RPL3L: variants seen among roughly 807,000 people sequenced by gnomAD.
RPL3L encodes ribosomal protein uL3-like.
A neutral mutation model predicts 44.5 loss-of-function variants in RPL3L; 44 were observed. The ratio of observed to expected loss-of-function variants is 0.99; its 90% CI spans 0.78 to 1.27. The LOEUF (loss-of-function observed/expected upper bound fraction) is 1.27. Among genes scored for constraint, RPL3L ranks in the 50% most tolerant of loss-of-function variants. The pLI is 0.00. For missense variants in RPL3L, 631 were observed against 569.1 expected, an observed-to-expected ratio of 1.11 and a Z score of -1.11; for synonymous variants, 292 against 230.7, an observed-to-expected ratio of 1.27 and a Z score of -2.41.
rs769248430 is a variant in RPL3L at position 1,947,010 on chromosome 16, G to C, written c.777C>G (p.Pro259=). ...GAGCAATGGAGCAGCCCACGCGGGC[G>C]GGGTGCCAGGCGCCAATGCAGGCCA... The part of the protein sequence containing the change: ...RKVACIGAWH[P]ARVGCSIARA... The change falls in exon 6 of 10, where the codon CCC becomes CCG. Residue 259 remains proline (P), a synonymous_variant. Transcript: ENST00000268661. 3.1e-6 allele frequency: 5 copies of C among 1,612,104 alleles called. No individual in the cohort carries two copies. The highest frequency in any genetic ancestry group is 4.2e-6 in the Non-Finnish European group (5 of 1,179,682).
chr16:1,952,893 GCCGGCA>G lies in RPL3L; in HGVS notation c.340_345del (p.Cys114_Arg115del). ...GCTCACCAGTCCTTGTAGAATCGGC[GCCGGCA>G]CTCATCACTGAGGTGTTCTGCAAAG... is the stretch of plus-strand genomic sequence containing the variant. On this transcript the variant is annotated inframe_deletion, in exon 3 of 10. Transcript: ENST00000268661. 5.0e-6 allele frequency: 8 copies of G among 1,613,912 alleles called. No homozygotes were observed. The highest frequency in any genetic ancestry group is 6.8e-6 in the Non-Finnish European group (8 of 1,179,992).
chr16:1,949,523 G>A (rs911692923), intron 4 of RPL3L, among the ~76,000 whole-genome samples: 2 of 150,560 alleles, frequency 1.3e-5, no homozygotes, highest in Non-Finnish European at 3.0e-5. Flanking sequence ...AAAGTGCTGG[G>A]GTTACAGGCG....
rs546597796 is a variant in RPL3L, at chr16:1,946,734, A to G, written c.850-8T>C. On this transcript the variant is annotated splice_polypyrimidine_tract_variant and splice_region_variant and intron_variant, in intron 6 of 9. Coordinates refer to ENST00000268661, the MANE Select transcript of RPL3L (RefSeq NM_005061.3). ...CCTGCCGATGCGGAAGATCTGCCAGAAGGGGGCACATGCCAGGGGCAGGAA... is the reference window on the plus strand; with the variant it reads ...CCTGCCGATGCGGAAGATCTGCCAGGAGGGGGCACATGCCAGGGGCAGGAA... The G allele has an allele frequency of 3.0e-5, 49 of 1,612,002 alleles. No individual in the cohort carries two copies. The East Asian group carries it at 9.8e-4, about 32-fold the overall frequency.
chr16:1,953,051 G>A lies in RPL3L; in HGVS notation c.197-9C>T. On this transcript the variant is annotated splice_polypyrimidine_tract_variant and intron_variant, in intron 2 of 9. Transcript: ENST00000268661. ...CTCCCGTTTGGAAATTTCTGGATGA[G>A]ACACAGGGATGGGGCATGAAGGGGG... 1 of 1,585,606 alleles carries A rather than the reference G, an allele frequency of 6.3e-7. No homozygotes were observed. The highest frequency in any genetic ancestry group is 8.6e-7 in the Non-Finnish European group (1 of 1,165,814).
intron 7 of RPL3L, among the ~76,000 whole-genome samples, chr16:1,946,331 G>A (rs548422688): frequency 7.9e-5 from 12 of 152,332 alleles, no homozygotes; most frequent in East Asian, 5.8e-4. Context: ...GAGGAGGCTC[G>A]GAGGATGTGG....
In RPL3L at chr16:1,952,957, G is replaced by A; in HGVS notation, c.282C>T (p.Ala94=). 3 of 1,613,718 alleles carry A rather than the reference G, an allele frequency of 1.9e-6. No homozygotes were observed. In the South Asian group the frequency reaches 3.3e-5, roughly 18 times the overall value. Residue 94 remains alanine, a synonymous_variant, in exon 3 of 10, where the codon GCC becomes GCT. Coordinates refer to ENST00000268661, the MANE Select transcript of RPL3L (RefSeq NM_005061.3). ...LVVVGVVGYV[A]TPRGLRSFKT... ...TGAAGCTCCGGAGACCTCGAGGGGTGGCCACGTAGCCCACCACGCCCACCA... is the reference window on the plus strand; with the variant it reads ...TGAAGCTCCGGAGACCTCGAGGGGTAGCCACGTAGCCCACCACGCCCACCA...
At chr16:1,945,429 C>T in intron 9 of RPL3L, 70 bp downstream of exon 9, 3 of 1,552,246 alleles carry the variant, frequency 1.9e-6, no homozygotes, top group Non-Finnish European at 2.6e-6. Flanking sequence ...AGCTCCAGCT[C>T]CCTACTCGGG....
intron 4 of RPL3L, among the ~76,000 whole-genome samples, chr16:1,948,000 T>G (rs560262828): frequency 1.3e-5 from 2 of 148,996 alleles, no homozygotes; most frequent in Non-Finnish European, 3.0e-5. Flanking sequence ...TGCAATGGCA[T>G]GATCTCGGCT....
Position 1,945,006 on chromosome 16 carries a change from C to T in RPL3L, c.1168-113G>A, listed in dbSNP as rs1430480940. ...CGGCCCTACTGCCCCCCTAAGGCTG[C>T]TTCCTCCCCCACCTTCTCTTCTAAA... is the stretch of plus-strand genomic sequence containing the variant. On this transcript the variant is annotated intron_variant, in intron 9 of 9. Transcript: ENST00000268661. 52 of 1,306,416 alleles carry T rather than the reference C, an allele frequency of 4.0e-5. No homozygotes were observed. In the Admixed American group the frequency reaches 8.8e-4, roughly 22 times the overall value. 80.9% of individuals were successfully genotyped at this position (1,306,416 alleles called of 1,614,324 possible). A position where few individuals can be genotyped will look rare whatever the true frequency, so the allele number is the denominator to read the frequency against.
chr16:1,946,861 C>G (rs2083124939), intron 6 of RPL3L, 77 bp downstream of exon 6: 1 of 1,556,950 alleles, frequency 6.4e-7, no homozygotes, highest in African/African-American at 1.3e-5. Context: ...CTGGGTCATG[C>G]ACCCCACCCA....
chr16:1,951,227 G>T (rs2083170293), intron 3 of RPL3L, among the ~76,000 whole-genome samples: 1 of 152,202 alleles, frequency 6.6e-6, no homozygotes, highest in African/African-American at 2.4e-5. Context: ...GAGAGTGAGT[G>T]GCAGAGGTGC....
intron 4 of RPL3L, among the ~76,000 whole-genome samples, chr16:1,948,843 G>C (rs1280359132): frequency 2.6e-5 from 4 of 152,062 alleles, no homozygotes; most frequent in Non-Finnish European, 4.4e-5. Context: ...AGCCTCCCGA[G>C]TAGCTGGGAC....
Position 1,954,157 on chromosome 16 carries a change from CAGGA to C in RPL3L, c.4-13_4-10del. ...GAAAACTTCCGGTGGGACTGGGGGG[CAGGA>C]AGGAAGGAGGTCAGACCTGGGGTGT... On this transcript the variant is annotated splice_polypyrimidine_tract_variant and intron_variant, in intron 1 of 9. Transcript: ENST00000268661. The C allele has an allele frequency of 6.4e-7, 1 of 1,563,062 alleles. No homozygotes were observed. The highest frequency in any genetic ancestry group is 8.7e-7 in the Non-Finnish European group (1 of 1,152,898).
rs540160506 is a variant in RPL3L at position 1,949,616 on chromosome 16, A to G, written c.501+1228T>C. 4.1e-5 allele frequency among the ~76,000 whole-genome samples: 6 copies of G among 146,414 alleles called. No individual in the cohort carries two copies. In the South Asian group the frequency reaches 1.1e-3, roughly 27 times the overall value. ...GTGCTGTGTGAAGCACAGGCTGTGC[A>G]ATGTAGAGGTGGAGACAGAGAGGCC... On this transcript the variant is annotated intron_variant, in intron 4 of 9. Transcript: ENST00000268661.
At chr16:1,953,684 C>T (rs889067193) in intron 2 of RPL3L, among the ~76,000 whole-genome samples, 2 of 152,182 alleles carry the variant, frequency 1.3e-5, no homozygotes, top group African/African-American at 2.4e-5. Context: ...GGGGCGCTGG[C>T]CTTTGAATCC....
rs368169793 is a variant in RPL3L at position 1,947,349 on chromosome 16, G to A, written c.533C>T (p.Ala178Val). The change falls in exon 5 of 10, where the codon GCC becomes GTC. Residue 178 changes from alanine (A) to valine (V), a missense_variant. Transcript: ENST00000268661. ...GTTCAGCTGGATCTCCATGATGTGG[G>A]CCTTCTTCTGCCGGAAGGGCAGCAG... Reference protein sequence around the residue: ...MKLLPFRQKKAHIMEIQLNGG... With the variant: ...MKLLPFRQKKVHIMEIQLNGG... 36 of 1,597,326 alleles carry A rather than the reference G, an allele frequency of 2.3e-5. No individual in the cohort carries two copies. In the African/African-American group the frequency reaches 3.2e-4, roughly 14 times the overall value.
Position 1,953,968 on chromosome 16 carries a change from G to C in RPL3L, c.184C>G (p.Arg62Gly). 2 of 1,538,944 alleles carry C rather than the reference G, an allele frequency of 1.3e-6. No individual in the cohort carries two copies. Among genetic ancestry groups the C allele is most frequent in the Non-Finnish European group, 1.8e-6 (2 of 1,137,182 alleles). ...GMTHTLREVH[R>G]PGLKISKREE... Reference sequence around the variant, plus strand: ...AACTGTGACTCACTGAGCCCCGGCCGGTGCACCTCCCGCAGGGTGTGGGTC... The same window carrying C: ...AACTGTGACTCACTGAGCCCCGGCCCGTGCACCTCCCGCAGGGTGTGGGTC... The change falls in exon 2 of 10, where the codon CGG (arginine) becomes GGG (glycine). Residue 62 changes from arginine to glycine, a missense_variant. Transcript: ENST00000268661.
In RPL3L at chr16:1,945,934, C is replaced by A; in HGVS notation, c.952-4G>T. 6.2e-7 allele frequency: 1 copy of A among 1,607,114 alleles called. No individual in the cohort carries two copies. The highest frequency in any genetic ancestry group is 1.1e-5 in the South Asian group (1 of 89,920). On this transcript the variant is annotated splice_polypyrimidine_tract_variant and splice_region_variant and intron_variant, in intron 7 of 9. Transcript: ENST00000268661. ...CCCCGTAGTGGGGGAAGCCACCCTG[C>A]AGAGGACACAGGTCAGAGGCCAGGC...
Position 1,954,094 on chromosome 16 carries a change from T to TA in RPL3L, c.57dup (p.Lys20Ter). 1 of 1,602,896 alleles carries TA rather than the reference T, an allele frequency of 6.2e-7. No individual in the cohort carries two copies. Among genetic ancestry groups the TA allele is most frequent in the Non-Finnish European group, 8.5e-7 (1 of 1,175,774 alleles). ...TTGCCCCGGTGCCGGTGGCTCCTCT[T>TA]ATGGGGCAGGAAGCCCAGGTGTCCG... On this transcript the variant is annotated frameshift_variant, in exon 2 of 10. Transcript: ENST00000268661. LOFTEE classifies it high-confidence loss of function.
Sources: gnomAD v4.1 joint callset for allele counts (sites outside exome capture counted in the v4.1 genomes callset) on GRCh38, gnomAD v4.1.1 for gene constraint, MANE v1.5 for transcripts, NCBI Gene and HGNC (gene_info 2026-07-23, HGNC 2026-07-21) for gene names.